MTBP: variants seen among roughly 807,000 people sequenced by gnomAD.
MTBP encodes the protein mdm2-binding protein.
In MTBP, 101 loss-of-function variants were observed where a neutral mutation model predicts 117.0. The observed-to-expected ratio is 0.86, with a 90% CI of 0.73 to 1.02. The LOEUF is 1.02. MTBP is among the 50% of genes least tolerant of loss of function. MTBP has a pLI of 0.00. For missense variants in MTBP, 970 were observed against 1,030.9 expected (o/e 0.94, Z 0.81); for synonymous variants, 350 against 351.5 (o/e 1.00, Z 0.05).
At chr8:120,519,350 G>A (rs376033205) in intron 20 of MTBP, among the ~76,000 whole-genome samples, 12 of 152,132 alleles carry the variant, frequency 7.9e-5, no homozygotes, top group East Asian at 1.9e-4. Flanking sequence ...ATCATCCTTC[G>A]CAGAGACCAA....
intron 15 of MTBP, among the ~76,000 whole-genome samples, chr8:120,505,512 T>C (rs1814670334): frequency 1.3e-5 from 2 of 152,122 alleles, no homozygotes; most frequent in Admixed American, 1.3e-4. Context: ...AACAAAGGAA[T>C]AGGAAGAGGA....
intron 11 of MTBP, among the ~76,000 whole-genome samples, chr8:120,476,199 T>TCAAACACCCC (rs2130557622): frequency 1.3e-5 from 2 of 152,198 alleles, no homozygotes; most frequent in East Asian, 3.9e-4. Context: ...TTCGATAAAC[T>TCAAACACCCC]TAAACACCCC....
Position 120,445,502 on chromosome 8 carries a change from G to T in MTBP, c.32G>T (p.Gly11Val). The change falls in exon 1 of 22, where the codon GGG (glycine) becomes GTG (valine). Residue 11 changes from glycine to valine, a missense_variant. Coordinates refer to ENST00000305949, the MANE Select transcript of MTBP (RefSeq NM_022045.5). ...CGGTACCTGCTGCTGGTGATCTGGG[G>T]GGAAGGAAAATTCCCGTCGGCGGCC... is the stretch of plus-strand genomic sequence containing the variant. MDRYLLLVIWGEGKFPSAASR... is the reference protein window; with the variant it reads MDRYLLLVIWVEGKFPSAASR... 6.2e-7 allele frequency: 1 copy of T among 1,613,578 alleles called. No homozygotes were observed. Among genetic ancestry groups the T allele is most frequent in the South Asian group, 1.1e-5 (1 of 91,048 alleles).
rs781638607 is a variant in MTBP at position 120,523,326 on chromosome 8, G to A, written c.2705G>A (p.Ser902Asn). 1.9e-6 allele frequency: 3 copies of A among 1,549,156 alleles called. No homozygotes were observed. Among genetic ancestry groups the A allele is most frequent in the Non-Finnish European group, 2.6e-6 (3 of 1,138,974 alleles). Residue 902 changes from serine (S) to asparagine (N), a missense_variant, in exon 22 of 22, where the codon AGC (serine) becomes AAC (asparagine). Transcript: ENST00000305949. Reference sequence around the variant, plus strand: ...ATTGACTGGGTATTAGAAAAGACAAGCAAGAAATGATACATAATCATTCTC... The same window carrying A: ...ATTGACTGGGTATTAGAAAAGACAAACAAGAAATGATACATAATCATTCTC... ...QVIDWVLEKT[S>N]KK
rs748501231 is a variant in MTBP, at chr8:120,456,537, A to T, written c.630-16A>T. 2.3e-6 allele frequency: 3 copies of T among 1,332,562 alleles called. No homozygotes were observed. In the East Asian group the frequency reaches 7.0e-5, roughly 31 times the overall value. 82.5% of individuals were successfully genotyped at this position (1,332,562 alleles called of 1,614,324 possible). A position where few individuals can be genotyped will look rare whatever the true frequency, so the allele number is the denominator to read the frequency against. Reference sequence around the variant, plus strand: ...ATAAAACCCTGTGTTTAATTGTTGTAATCTTTTTTTTATAGAAACTGTCAG... The same window carrying T: ...ATAAAACCCTGTGTTTAATTGTTGTTATCTTTTTTTTATAGAAACTGTCAG... On this transcript the variant is annotated splice_polypyrimidine_tract_variant and intron_variant, in intron 6 of 21. Coordinates refer to ENST00000305949, the MANE Select transcript of MTBP (RefSeq NM_022045.5).
At chr8:120,464,281 TA>T (rs1586944153) in intron 10 of MTBP, among the ~76,000 whole-genome samples, 1 of 152,152 alleles carries the variant, frequency 6.6e-6, no homozygotes, top group East Asian at 1.9e-4. Flanking sequence ...AAAATTGGTA[TA>T]TTTTTAACTT....
At position 120,485,383 on chromosome 8, in the gene MTBP, T is replaced by C. The variant is rs952580505; in HGVS notation, c.1166-2776T>C. ...TCCACATATTTGTTAATTCCCCAAA[T>C]TTCTTTGAATTATTAGTGTCTAAAA... On this transcript the variant is annotated intron_variant, in intron 11 of 21. Transcript: ENST00000305949. Among the ~76,000 whole-genome samples the C allele has an allele frequency of 3.3e-5, 5 of 152,194 alleles. 1 individual carries two copies. The highest frequency in any genetic ancestry group is 3.3e-4 in the Admixed American group (5 of 15,282).
In MTBP at chr8:120,523,360, A is replaced by G; in HGVS notation, c.*24A>G. 1 of 1,432,006 alleles carries G rather than the reference A, an allele frequency of 7.0e-7. No homozygotes were observed. Among genetic ancestry groups the G allele is most frequent in the Non-Finnish European group, 9.5e-7 (1 of 1,050,228 alleles). The allele number at this position is 1,432,006 out of a possible 1,614,324, so 88.7% of individuals were successfully genotyped here. A position where few individuals can be genotyped will look rare whatever the true frequency, so the allele number is the denominator to read the frequency against. On this transcript the variant is annotated 3_prime_UTR_variant, in exon 22 of 22. Coordinates refer to ENST00000305949, the MANE Select transcript of MTBP (RefSeq NM_022045.5). The stretch of plus-strand genomic sequence containing the variant: ...GATACATAATCATTCTCTTTAAGAC[A>G]ATTATAAATTGGATGGAGCTATTAT...
At chr8:120,503,711 A>G (rs1188411032) in intron 15 of MTBP, among the ~76,000 whole-genome samples, 2 of 152,128 alleles carry the variant, frequency 1.3e-5, no homozygotes, top group Non-Finnish European at 2.9e-5. Context: ...GAGAGATTAG[A>G]GCAGAGAGAC....
chr8:120,460,135 G>T (rs1813552800), intron 8 of MTBP, among the ~76,000 whole-genome samples: 1 of 152,036 alleles, frequency 6.6e-6, no homozygotes, highest in Admixed American at 6.5e-5. Context: ...GGTATCATTT[G>T]ATTTGAACTC....
At chr8:120,446,291 C>T (rs1813225590) in intron 1 of MTBP, 142 bp from the exon 2 acceptor site, 1 of 606,852 alleles carries the variant, frequency 1.6e-6, no homozygotes, top group South Asian at 2.1e-5. Flanking sequence ...TTTTCTGTAT[C>T]AAAACTTGAA....
intron 14 of MTBP, among the ~76,000 whole-genome samples, chr8:120,498,367 A>G (rs868291185): frequency 6.6e-6 from 1 of 152,194 alleles, no homozygotes; most frequent in Non-Finnish European, 1.5e-5. Context: ...CCCAAGTTAA[A>G]TAGCATACAG....
chr8:120,453,941 T>G (rs1813415718), intron 5 of MTBP, 36 bp downstream of exon 5: 1 of 1,198,586 alleles, frequency 8.3e-7, no homozygotes, highest in African/African-American at 1.5e-5. Flanking sequence ...AATTTGTATC[T>G]TATCTTATTA....
At chr8:120,460,396 T>A (rs2130527776) in intron 8 of MTBP, among the ~76,000 whole-genome samples, 1 of 152,266 alleles carries the variant, frequency 6.6e-6, no homozygotes, top group Admixed American at 6.5e-5. Flanking sequence ...TAAACACATA[T>A]GTTTATGATT....
At chr8:120,460,703 T>TA (rs1813566209) in intron 8 of MTBP, among the ~76,000 whole-genome samples, 1 of 151,892 alleles carries the variant, frequency 6.6e-6, no homozygotes, top group African/African-American at 2.4e-5. Flanking sequence ...TCACTAGAAT[T>TA]TTTTTTTTCT....
At chr8:120,455,924 A>G (rs536766851) in intron 6 of MTBP, among the ~76,000 whole-genome samples, 2 of 152,220 alleles carry the variant, frequency 1.3e-5, no homozygotes, top group African/African-American at 4.8e-5. Flanking sequence ...GTAGGAATAA[A>G]TATACACTGT....
chr8:120,448,829 A>T (rs1563781611), intron 2 of MTBP, among the ~76,000 whole-genome samples: 1 of 152,212 alleles, frequency 6.6e-6, no homozygotes, highest in Non-Finnish European at 1.5e-5. Flanking sequence ...TTCCTGCCAT[A>T]CTAGGATTAT....
intron 11 of MTBP, among the ~76,000 whole-genome samples, chr8:120,481,098 G>A (rs550178721): frequency 1.3e-5 from 2 of 152,168 alleles, no homozygotes; most frequent in Non-Finnish European, 2.9e-5. Context: ...AACATCATTA[G>A]TCTCTTGGGA....
At chr8:120,505,513 A>G (rs1264148157) in intron 15 of MTBP, among the ~76,000 whole-genome samples, 1 of 152,194 alleles carries the variant, frequency 6.6e-6, no homozygotes, top group Non-Finnish European at 1.5e-5. Context: ...ACAAAGGAAT[A>G]GGAAGAGGAA....
Sources: allele counts gnomAD v4.1 joint callset (sites outside exome capture counted in the v4.1 genomes callset), GRCh38; gene constraint gnomAD v4.1.1; transcripts MANE v1.5; gene names NCBI Gene and HGNC (gene_info 2026-07-23, HGNC 2026-07-21).